Variants in ARHGAP42 observed in about 807,000 individuals in gnomAD.
The protein encoded by ARHGAP42 is rho GTPase-activating protein 42.
In ARHGAP42, 63 loss-of-function variants were observed where a neutral mutation model predicts 125.0. The ratio of observed to expected loss-of-function variants is 0.50; its 90% CI spans 0.41 to 0.62. ARHGAP42 has a LOEUF of 0.62. ARHGAP42 is among the 20% of genes least tolerant of loss of function. The probability of loss-of-function intolerance (pLI) is 0.00; values close to 1 mark genes in which losing one functional copy is unlikely to be tolerated. For missense variants in ARHGAP42, 766 were observed against 1,024.2 expected, an observed-to-expected ratio of 0.75 and a Z score of 3.44; for synonymous variants, 339 against 351.0, an observed-to-expected ratio of 0.97 and a Z score of 0.38.
At position 100,973,299 on chromosome 11, in the gene ARHGAP42, A is replaced by G. The variant is rs1858302618; in HGVS notation, c.1675A>G (p.Ile559Val). 4 of 1,550,780 alleles carry G rather than the reference A, an allele frequency of 2.6e-6. 1 individual carries two copies. In the South Asian group the frequency reaches 4.8e-5, roughly 18 times the overall value. The change falls in exon 18 of 24, where the codon ATT (isoleucine) becomes GTT (valine). Residue 559 changes from isoleucine (I) to valine (V), a missense_variant. Around this residue, in one of 3 missense-constraint regions of ARHGAP42, gnomAD observed 308 missense variants for 369.7 expected, o/e 0.83. Coordinates refer to ENST00000298815, the MANE Select transcript of ARHGAP42 (RefSeq NM_152432.4). ...TATGATGAATATTAAATTTCAGAAT[A>G]TTGTGGTAGAAATTCTGATAGAGCA... is the stretch of plus-strand genomic sequence containing the variant. ...AAMMNIKFQN[I>V]VVEILIEHYE...
At chr11:100,774,547 T>C (rs1194990046) in intron 2 of ARHGAP42, among the ~76,000 whole-genome samples, 1 of 152,178 alleles carries the variant, frequency 6.6e-6, no homozygotes, top group African/African-American at 2.4e-5. Flanking sequence ...CTTTTGTATG[T>C]GGGTCATGTC....
chr11:100,910,158 G>A (rs539874172), intron 4 of ARHGAP42, among the ~76,000 whole-genome samples: 39 of 152,176 alleles, frequency 2.6e-4, no homozygotes, highest in South Asian at 1.2e-3. Context: ...CTAATTCACC[G>A]TTTTTGAGGA....
At chr11:100,934,033 C>T (rs897610273) in intron 7 of ARHGAP42, among the ~76,000 whole-genome samples, 24 of 152,104 alleles carry the variant, frequency 1.6e-4, no homozygotes, top group Non-Finnish European at 3.2e-4. Flanking sequence ...GTGATCCACC[C>T]GCCACGGCCT....
intron 4 of ARHGAP42, among the ~76,000 whole-genome samples, chr11:100,879,745 C>G (rs1865911500): frequency 6.6e-6 from 1 of 152,196 alleles, no homozygotes; most frequent in Admixed American, 6.5e-5. Context: ...CTCCTCTCTT[C>G]AGCTTCTCCG....
intron 22 of ARHGAP42, among the ~76,000 whole-genome samples, chr11:100,980,308 G>A (rs913144981): frequency 6.6e-6 from 1 of 152,026 alleles, no homozygotes; most frequent in African/African-American, 2.4e-5. Context: ...TTAGGCTTTA[G>A]TGTAAGGGAT....
intron 3 of ARHGAP42, among the ~76,000 whole-genome samples, chr11:100,855,224 A>C (rs1327125428): frequency 6.6e-6 from 1 of 152,254 alleles, no homozygotes; most frequent in African/African-American, 2.4e-5. Flanking sequence ...TGAGTGTTTT[A>C]TTGCTTTGAA....
intron 1 of ARHGAP42, among the ~76,000 whole-genome samples, chr11:100,697,266 T>C (rs1021364179): frequency 1.3e-5 from 2 of 152,026 alleles, no homozygotes; most frequent in Non-Finnish European, 2.9e-5. Context: ...CACTGCAAGC[T>C]CCGCCTCCCA....
At chr11:100,822,847 C>T (rs755421402) in intron 3 of ARHGAP42, among the ~76,000 whole-genome samples, 20 of 152,228 alleles carry the variant, frequency 1.3e-4, no homozygotes, top group Non-Finnish European at 2.8e-4. Flanking sequence ...CAGGAACTAA[C>T]CCCCAAGAAT....
intron 7 of ARHGAP42, 97 bp from the exon 8 acceptor site, chr11:100,936,106 C>T: frequency 1.4e-6 from 2 of 1,435,360 alleles, no homozygotes; most frequent in Non-Finnish European, 9.5e-7. Context: ...GATACTCTGT[C>T]TCAAAAATAA....
At chr11:100,740,891 TTTAA>T (rs1862170593) in intron 1 of ARHGAP42, among the ~76,000 whole-genome samples, 1 of 152,186 alleles carries the variant, frequency 6.6e-6, no homozygotes, top group African/African-American at 2.4e-5. Flanking sequence ...GTGGTTATAC[TTTAA>T]TTAGTTATTC....
At chr11:100,832,984 A>G (rs1356682666) in intron 3 of ARHGAP42, among the ~76,000 whole-genome samples, 5 of 152,228 alleles carry the variant, frequency 3.3e-5, no homozygotes, top group Non-Finnish European at 5.9e-5. Context: ...TTGGCATCAC[A>G]GGCGACTAGA....
In ARHGAP42 at chr11:100,992,091, A is replaced by C; in HGVS notation, c.*3290A>C. On this transcript the variant is annotated 3_prime_UTR_variant, in exon 24 of 24. Transcript: ENST00000298815. The stretch of plus-strand genomic sequence containing the variant: ...TCTTCTGGTCTGTGTTGAAAAGGGT[A>C]TCATTCATGTGGTTTCAGTTTAGAA... The C allele has an allele frequency of 1.9e-6, 1 of 534,970 alleles. No homozygotes were observed. Among genetic ancestry groups the C allele is most frequent in the East Asian group, 3.1e-5 (1 of 32,584 alleles). The allele number at this position is 534,970 out of a possible 1,614,324, so 33.1% of individuals were successfully genotyped here.
intron 8 of ARHGAP42, 94 bp from the exon 9 acceptor site, chr11:100,941,690 A>T: frequency 3.0e-6 from 2 of 675,326 alleles, no homozygotes; most frequent in Non-Finnish European, 4.9e-6. Context: ...TAGGAGAGAT[A>T]ATCGGTTGTA....
At chr11:100,719,727 G>A (rs963209955) in intron 1 of ARHGAP42, among the ~76,000 whole-genome samples, 2 of 152,100 alleles carry the variant, frequency 1.3e-5, no homozygotes, top group Non-Finnish European at 2.9e-5. Context: ...GCAGCAAAAG[G>A]ATACTCTTGG....
chr11:100,941,862 A>T lies in ARHGAP42; in HGVS notation c.911A>T (p.Glu304Val), dbSNP rs1656521913. The T allele has an allele frequency of 1.4e-5, 21 of 1,536,416 alleles. No homozygotes were observed. Among genetic ancestry groups the T allele is most frequent in the Non-Finnish European group, 1.8e-5 (21 of 1,140,802 alleles). The change falls in exon 9 of 24, where the codon GAA becomes GTA. Residue 304 changes from glutamate (E) to valine (V), a missense_variant. This residue lies in a region of ARHGAP42 where 455 missense variants were observed against 636.5 expected (regional missense o/e 0.71). Coordinates refer to ENST00000298815, the MANE Select transcript of ARHGAP42 (RefSeq NM_152432.4). ...GSKTFTMSVS[E>V]MKSSGKMNGL... ...AAAACATTTACAATGAGTGTTTCAG[A>T]AATGAAATCCAGTGGGAAAATGGTG...
rs151174831 is a variant in ARHGAP42, at chr11:100,866,681, C to G, written c.384+7056C>G. Among the ~76,000 whole-genome samples, 717 of 152,234 alleles carry G rather than the reference C, an allele frequency of 4.7e-3. 9 individuals carry two copies. Among genetic ancestry groups the G allele is most frequent in the Admixed American group, 0.02 (309 of 15,290 alleles). ...AGGGGAAGTGCTGCACACTTTCAAACAACCAGATCCCATGAGAGCTCACTC... is the reference window on the plus strand; with the variant it reads ...AGGGGAAGTGCTGCACACTTTCAAAGAACCAGATCCCATGAGAGCTCACTC... On this transcript the variant is annotated intron_variant, in intron 4 of 23. Transcript: ENST00000298815.
rs1199212338 is a variant in ARHGAP42 at position 100,859,680 on chromosome 11, A to G, written c.384+55A>G. On this transcript the variant is annotated intron_variant, in intron 4 of 23. Coordinates refer to ENST00000298815, the MANE Select transcript of ARHGAP42 (RefSeq NM_152432.4). ...TATTCTCCTGATAATTAAAGATGAC[A>G]TAATTTCAGATGTTAACATTTTTGA... 33 of 1,285,684 alleles carry G rather than the reference A, an allele frequency of 2.6e-5. No homozygotes were observed. The Admixed American group carries it at 1.0e-3, about 39-fold the overall frequency. The allele number at this position is 1,285,684 out of a possible 1,614,324, so 79.6% of individuals were successfully genotyped here.
At chr11:100,700,917 T>C (rs1175765726) in intron 1 of ARHGAP42, among the ~76,000 whole-genome samples, 3 of 152,230 alleles carry the variant, frequency 2.0e-5, no homozygotes, top group African/African-American at 4.8e-5. Context: ...CAATGTACTT[T>C]GCTGAGATCC....
At chr11:100,699,493 T>G (rs1232374305) in intron 1 of ARHGAP42, among the ~76,000 whole-genome samples, 1 of 36,608 alleles carries the variant, frequency 2.7e-5, no homozygotes, top group African/African-American at 1.1e-4. Flanking sequence ...TATATATATA[T>G]ATATATATAT....
Sources: allele counts gnomAD v4.1 joint callset (sites outside exome capture counted in the v4.1 genomes callset), GRCh38; gene constraint gnomAD v4.1.1; regional missense constraint gnomAD v4.1.1; transcripts MANE v1.5; gene names NCBI Gene and HGNC (gene_info 2026-07-23, HGNC 2026-07-21).